Variants in ADGRB3 observed in about 807,000 individuals in gnomAD.
ADGRB3 encodes adhesion G protein-coupled receptor B3.
Under a neutral mutation model 193.4 loss-of-function variants are expected in ADGRB3, and 37 were observed. The observed-to-expected ratio is 0.19, with a 90% CI of 0.15 to 0.25. The LOEUF is 0.25. ADGRB3 is among the 10% of genes least tolerant of loss of function. The pLI is 1.00. For missense variants in ADGRB3, 1,637 were observed against 1,852.9 expected (o/e 0.88, Z 2.14); for synonymous variants, 690 against 644.2 (o/e 1.07, Z -1.08).
chr6:69,255,699 T>C (rs1766750248), intron 20 of ADGRB3, among the ~76,000 whole-genome samples: 1 of 152,210 alleles, frequency 6.6e-6, no homozygotes, highest in South Asian at 2.1e-4. Context: ...AGAAGCTCTT[T>C]AGTTTGATTA....
intron 3 of ADGRB3, among the ~76,000 whole-genome samples, chr6:68,680,825 T>C (rs1208395357): frequency 6.6e-6 from 1 of 152,196 alleles, no homozygotes; most frequent in African/African-American, 2.4e-5. Context: ...TAGAGCAGCA[T>C]TAAACAAATA....
intron 17 of ADGRB3, among the ~76,000 whole-genome samples, chr6:69,113,095 T>C (rs1325105058): frequency 6.6e-6 from 1 of 152,214 alleles, no homozygotes. Context: ...GTGCACAGCT[T>C]ATATGCAAAT....
chr6:68,870,680 A>G (rs1416198553), intron 3 of ADGRB3, among the ~76,000 whole-genome samples: 1 of 152,200 alleles, frequency 6.6e-6, no homozygotes, highest in Non-Finnish European at 1.5e-5. Flanking sequence ...TTCAAATCCC[A>G]GCTTAGCCAC....
intron 17 of ADGRB3, among the ~76,000 whole-genome samples, chr6:69,186,537 T>A (rs2150353273): frequency 6.7e-6 from 1 of 150,128 alleles, no homozygotes; most frequent in South Asian, 2.1e-4. Context: ...ACCCCCCAAG[T>A]ACCTGAAAAA....
chr6:69,232,317 G>A, intron 17 of ADGRB3: 2 of 962,872 alleles, frequency 2.1e-6, no homozygotes, highest in Non-Finnish European at 1.4e-6. Context: ...TTCTGCTGGG[G>A]GTGGAAGGGT....
intron 3 of ADGRB3, among the ~76,000 whole-genome samples, chr6:68,765,387 A>C (rs1562020306): frequency 1.3e-5 from 2 of 152,142 alleles, no homozygotes; most frequent in Admixed American, 1.3e-4. Flanking sequence ...GTAGTCATGC[A>C]TAGGCATTAA....
chr6:69,050,904 A>G (rs1771374549), intron 15 of ADGRB3, among the ~76,000 whole-genome samples: 1 of 152,186 alleles, frequency 6.6e-6, no homozygotes, highest in South Asian at 2.1e-4. Flanking sequence ...AATTTTTTAG[A>G]TTAGTTTCCC....
chr6:69,337,321 C>T (rs1388371386), intron 24 of ADGRB3, among the ~76,000 whole-genome samples: 1 of 152,042 alleles, frequency 6.6e-6, no homozygotes, highest in Non-Finnish European at 1.5e-5. Flanking sequence ...TTAATCTGAT[C>T]AGATTTAACA....
At chr6:69,266,172 A>G (rs928111022) in intron 20 of ADGRB3, among the ~76,000 whole-genome samples, 12 of 152,042 alleles carry the variant, frequency 7.9e-5, no homozygotes, top group African/African-American at 2.9e-4. Context: ...GTTCACAGCC[A>G]GTAACATGAA....
At chr6:69,304,778 A>G (rs538363423) in intron 20 of ADGRB3, among the ~76,000 whole-genome samples, 1 of 151,610 alleles carries the variant, frequency 6.6e-6, no homozygotes, top group South Asian at 2.1e-4. Flanking sequence ...CTCTAGAGTA[A>G]TGGTAGTTAT....
chr6:68,783,573 G>A (rs1471451891), intron 3 of ADGRB3, among the ~76,000 whole-genome samples: 3 of 151,678 alleles, frequency 2.0e-5, no homozygotes, highest in Non-Finnish European at 2.9e-5. Flanking sequence ...AAGAGCTTGG[G>A]AAGCGTGGCT....
At chr6:69,106,180 A>AAAAAAAAAAAG (rs1773208734) in intron 17 of ADGRB3, among the ~76,000 whole-genome samples, 1 of 98,206 alleles carries the variant, frequency 1.0e-5, no homozygotes, top group Non-Finnish European at 2.7e-5. Context: ...AAAAAAAAAA[A>AAAAAAAAAAAG]AAAGAAAAGA....
At chr6:69,030,706 T>G (rs1177303687) in intron 13 of ADGRB3, among the ~76,000 whole-genome samples, 1 of 152,170 alleles carries the variant, frequency 6.6e-6, no homozygotes, top group Non-Finnish European at 1.5e-5. Context: ...CCATGGCACA[T>G]GTATACCTAT....
chr6:69,115,443 C>T (rs775474174), intron 17 of ADGRB3, among the ~76,000 whole-genome samples: 2 of 151,470 alleles, frequency 1.3e-5, no homozygotes, highest in African/African-American at 2.4e-5. Context: ...TGGGGCCAGA[C>T]TGGGGGATCG....
chr6:69,120,999 C>CTTTTTT (rs36095516), intron 17 of ADGRB3, among the ~76,000 whole-genome samples: 1 of 123,544 alleles, frequency 8.1e-6, no homozygotes, highest in East Asian at 2.4e-4. Context: ...ATGCAGTTAT[C>CTTTTTT]TTTTTTTTTT....
intron 17 of ADGRB3, among the ~76,000 whole-genome samples, chr6:69,165,162 T>A (rs1342517019): frequency 1.3e-5 from 2 of 152,088 alleles, no homozygotes; most frequent in African/African-American, 4.8e-5. Flanking sequence ...ACAGTGGTTT[T>A]TCATTTTGAC....
At chr6:69,026,684 A>AT (rs1446688040) in intron 13 of ADGRB3, among the ~76,000 whole-genome samples, 1 of 152,216 alleles carries the variant, frequency 6.6e-6, no homozygotes, top group Non-Finnish European at 1.5e-5. Flanking sequence ...GGTATAGCCT[A>AT]TTACACGTCT....
At chr6:69,291,133 T>A (rs541133138) in intron 20 of ADGRB3, among the ~76,000 whole-genome samples, 14 of 152,160 alleles carry the variant, frequency 9.2e-5, no homozygotes, top group Non-Finnish European at 2.1e-4. Flanking sequence ...TTTTTGAGAT[T>A]TTTTTCATTT....
intron 20 of ADGRB3, among the ~76,000 whole-genome samples, chr6:69,259,000 C>CGT (rs1437483886): frequency 6.6e-6 from 1 of 152,104 alleles, no homozygotes; most frequent in African/African-American, 2.4e-5. Flanking sequence ...GTCTATTCCA[C>CGT]GTAATCTTCT....
Sources: gnomAD v4.1 joint callset for allele counts (sites outside exome capture counted in the v4.1 genomes callset) on GRCh38, gnomAD v4.1.1 for gene constraint, MANE v1.5 for transcripts, NCBI Gene and HGNC (gene_info 2026-07-23, HGNC 2026-07-21) for gene names.